The following MRTFA variants were observed in gnomAD, a reference collection of about 807,000 sequenced individuals.
MRTFA encodes myocardin-related transcription factor A.
In MRTFA, 20 loss-of-function variants were observed where a neutral mutation model predicts 83.5. The observed-to-expected ratio is 0.24, with a 90% CI of 0.17 to 0.35. The LOEUF (loss-of-function observed/expected upper bound fraction) is 0.35, where lower values mean the gene tolerates loss of function less well. MRTFA is among the 10% of genes least tolerant of loss of function. The pLI, the probability that MRTFA is intolerant of heterozygous loss-of-function variation, is 1.00. For missense variants in MRTFA, 1,200 were observed against 1,224.7 expected (o/e 0.98, Z 0.30); for synonymous variants, 659 against 541.2 (o/e 1.22, Z -3.02).
intron 11 of MRTFA, among the ~76,000 whole-genome samples, chr22:40,420,074 G>T (rs2052796015): frequency 6.6e-6 from 1 of 152,186 alleles, no homozygotes; most frequent in South Asian, 2.1e-4. Flanking sequence ...TCCTCAAAGG[G>T]GCACCAATCC....
chr22:40,488,132 A>G (rs1408741525), intron 3 of MRTFA, among the ~76,000 whole-genome samples: 1 of 152,228 alleles, frequency 6.6e-6, no homozygotes, highest in Admixed American at 6.5e-5. Context: ...ATAATACATT[A>G]CTAGAGTACA....
chr22:40,581,187 T>A (rs2055941675), intron 2 of MRTFA, among the ~76,000 whole-genome samples: 1 of 152,164 alleles, frequency 6.6e-6, no homozygotes. Context: ...ATTTGTCCAT[T>A]CTGACTGTAC....
chr22:40,527,917 A>C (rs903284624), intron 3 of MRTFA, among the ~76,000 whole-genome samples: 4 of 152,086 alleles, frequency 2.6e-5, no homozygotes, highest in African/African-American at 9.7e-5. Context: ...AAGAAACAAA[A>C]AGGAGGAAAA....
intron 3 of MRTFA, among the ~76,000 whole-genome samples, chr22:40,516,395 G>A (rs1459730091): frequency 7.0e-6 from 1 of 143,376 alleles, no homozygotes; most frequent in Non-Finnish European, 1.5e-5. Context: ...ACTCCAGCCT[G>A]GGACACAGAG....
At chr22:40,571,777 A>G (rs1233980942) in intron 2 of MRTFA, among the ~76,000 whole-genome samples, 1 of 151,600 alleles carries the variant, frequency 6.6e-6, no homozygotes, top group Non-Finnish European at 1.5e-5. Context: ...AAAAAAAAGC[A>G]GCCGGGCATG....
intron 3 of MRTFA, among the ~76,000 whole-genome samples, chr22:40,506,258 A>G (rs1028889704): frequency 6.6e-6 from 1 of 152,182 alleles, no homozygotes; most frequent in Non-Finnish European, 1.5e-5. Context: ...AAAAATAAAT[A>G]AAGTGCATTA....
chr22:40,420,843 C>T lies in MRTFA; in HGVS notation c.1181+4G>A, dbSNP rs2052820513. The T allele has an allele frequency of 6.2e-7, 1 of 1,613,320 alleles. No individual in the cohort carries two copies. On this transcript the variant is annotated splice_donor_region_variant and intron_variant, in intron 10 of 14. Transcript: ENST00000355630. ...GGGGCAGGCAGTGAGGAGCGGGTGC[C>T]TACTTTGGCGGGGCAGGCAGGATGG...
intron 1 of MRTFA, among the ~76,000 whole-genome samples, chr22:40,625,732 T>C (rs140350878): frequency 2.0e-5 from 3 of 152,198 alleles, no homozygotes; most frequent in African/African-American, 7.2e-5. Context: ...TGAGCCAAGA[T>C]TGTGCCACTA....
chr22:40,478,120 C>G (rs2054028273), intron 3 of MRTFA, among the ~76,000 whole-genome samples: 1 of 152,066 alleles, frequency 6.6e-6, no homozygotes, highest in African/African-American at 2.4e-5. Context: ...TCTTGAGATT[C>G]AGATCCAAAG....
chr22:40,476,453 GTTTCT>G (rs1476819631), intron 3 of MRTFA, among the ~76,000 whole-genome samples: 1 of 152,014 alleles, frequency 6.6e-6, no homozygotes, highest in Non-Finnish European at 1.5e-5. Context: ...TTCTAAACAT[GTTTCT>G]TTTCTTTTTT....
chr22:40,411,457 G>C lies in MRTFA; in HGVS notation c.3029C>G (p.Pro1010Arg). 1 of 1,599,430 alleles carries C rather than the reference G, an allele frequency of 6.3e-7. No homozygotes were observed. The highest frequency in any genetic ancestry group is 8.6e-7 in the Non-Finnish European group (1 of 1,168,476). The change falls in exon 15 of 15, where the codon CCC becomes CGC. Residue 1010 changes from proline to arginine, a missense_variant. Transcript: ENST00000355630. ...GAGGAAGTCTGTGGAGAAGAGGCTG[G>C]GGGCTGTGGTGCTGAGGGGGGCTAG...
At chr22:40,476,823 A>T (rs1219370478) in intron 3 of MRTFA, among the ~76,000 whole-genome samples, 2 of 152,142 alleles carry the variant, frequency 1.3e-5, no homozygotes, top group Non-Finnish European at 2.9e-5. Flanking sequence ...CTGAATGGGT[A>T]AGCACAGTGT....
chr22:40,497,598 C>A (rs994564788), intron 3 of MRTFA, among the ~76,000 whole-genome samples: 39 of 151,986 alleles, frequency 2.6e-4, no homozygotes, highest in Admixed American at 1.9e-3. Context: ...ACTAAAAATA[C>A]AAAAATCAGC....
intron 3 of MRTFA, among the ~76,000 whole-genome samples, chr22:40,507,705 C>G (rs529175082): frequency 6.6e-6 from 1 of 151,942 alleles, no homozygotes; most frequent in Non-Finnish European, 1.5e-5. Flanking sequence ...CAGTTGCTCA[C>G]GCTTGTAATC....
chr22:40,420,607 C>T, intron 10 of MRTFA, 31 bp from the exon 11 acceptor site: 1 of 1,606,086 alleles, frequency 6.2e-7, no homozygotes, highest in South Asian at 1.1e-5. Flanking sequence ...TTAGCCCCAT[C>T]CAGCTTCGCC....
At chr22:40,436,815 T>C (rs1414215852) in intron 4 of MRTFA, among the ~76,000 whole-genome samples, 1 of 152,192 alleles carries the variant, frequency 6.6e-6, no homozygotes, top group Non-Finnish European at 1.5e-5. Context: ...CGAGCAGAGA[T>C]AACTTTTGCT....
chr22:40,609,482 C>CAAAAAAAAAA (rs148106089), intron 1 of MRTFA, among the ~76,000 whole-genome samples: 1 of 69,724 alleles, frequency 1.4e-5, no homozygotes. Flanking sequence ...GTCTCTTTAA[C>CAAAAAAAAAA]AAAAAAAAAA....
At chr22:40,542,039 G>A (rs749008724) in intron 3 of MRTFA, among the ~76,000 whole-genome samples, 9 of 152,080 alleles carry the variant, frequency 5.9e-5, no homozygotes, top group Non-Finnish European at 1.3e-4. Context: ...GTCTCACTCT[G>A]TTGCCCAGGC....
At position 40,617,032 on chromosome 22, in the gene MRTFA, G is replaced by A. The variant is rs527487183; in HGVS notation, c.-84+19446C>T. On this transcript the variant is annotated intron_variant, in intron 1 of 14. Transcript: ENST00000355630. ...GTGGGAGGATTGCTTGAGCTCCAGG[G>A]GCATAGGTTGCAGTGACCTGAGCTG... is the stretch of plus-strand genomic sequence containing the variant. Among the ~76,000 whole-genome samples, 40 of 151,556 alleles carry A rather than the reference G, an allele frequency of 2.6e-4. No individual in the cohort carries two copies. In the South Asian group the frequency reaches 8.0e-3, roughly 30 times the overall value.
Sources: allele counts gnomAD v4.1 joint callset (sites outside exome capture counted in the v4.1 genomes callset), GRCh38; gene constraint gnomAD v4.1.1; transcripts MANE v1.5; gene names NCBI Gene and HGNC (gene_info 2026-07-23, HGNC 2026-07-21).